The following SPOCK3 variants were observed in gnomAD, a reference collection of about 807,000 sequenced individuals.
SPOCK3 encodes the protein testican-3.
SPOCK3 carries 30 observed loss-of-function variants against 56.6 expected under a neutral mutation model. That is an observed-to-expected ratio of 0.53 (90% CI 0.40 to 0.72). The LOEUF is 0.72. Ranked by LOEUF, SPOCK3 falls within the 30% of genes least tolerant of loss-of-function variation. The pLI is 0.00. For missense variants in SPOCK3, 527 were observed against 530.0 expected (o/e 0.99, Z 0.06); for synonymous variants, 196 against 183.3 (o/e 1.07, Z -0.56).
chr4:166,860,049 C>T (rs1257706710), intron 6 of SPOCK3, among the ~76,000 whole-genome samples: 1 of 152,064 alleles, frequency 6.6e-6, no homozygotes, highest in Non-Finnish European at 1.5e-5. Context: ...TAATCTAATA[C>T]AACTGCAAGT....
At chr4:167,148,716 AAT>A (rs1227096399) in intron 2 of SPOCK3, among the ~76,000 whole-genome samples, 1 of 152,170 alleles carries the variant, frequency 6.6e-6, no homozygotes, top group Non-Finnish European at 1.5e-5. Flanking sequence ...TTTTAAATTT[AAT>A]TTCAGATTTT....
chr4:167,183,335 A>G (rs1476833091), intron 2 of SPOCK3, among the ~76,000 whole-genome samples: 1 of 152,184 alleles, frequency 6.6e-6, no homozygotes, highest in Non-Finnish European at 1.5e-5. Flanking sequence ...TCTTTCCAAA[A>G]TATCTTTTAC....
intron 2 of SPOCK3, among the ~76,000 whole-genome samples, chr4:167,140,952 C>G (rs760264771): frequency 1.1e-4 from 16 of 151,822 alleles, no homozygotes; most frequent in Non-Finnish European, 2.1e-4. Flanking sequence ...ACATATATAC[C>G]TTTTTTCTTG....
intron 2 of SPOCK3, among the ~76,000 whole-genome samples, chr4:167,205,643 C>CTTAATT (rs1734250041): frequency 8.2e-6 from 1 of 122,108 alleles, no homozygotes; most frequent in Non-Finnish European, 1.7e-5. Context: ...GAGACGGAGT[C>CTTAATT]ACTCTGTCAC....
At chr4:166,891,329 T>A (rs754141276) in intron 5 of SPOCK3, among the ~76,000 whole-genome samples, 3 of 152,028 alleles carry the variant, frequency 2.0e-5, no homozygotes, top group Non-Finnish European at 4.4e-5. Context: ...ACTAATTTAA[T>A]TCAGCTTTAG....
chr4:166,785,291 AT>A (rs1740611830), intron 7 of SPOCK3, among the ~76,000 whole-genome samples: 1 of 152,086 alleles, frequency 6.6e-6, no homozygotes, highest in African/African-American at 2.4e-5. Context: ...TAAAATAAAA[AT>A]TAGGTGTCGA....
chr4:166,950,671 C>A (rs1226341647), intron 4 of SPOCK3, among the ~76,000 whole-genome samples: 1 of 149,290 alleles, frequency 6.7e-6, no homozygotes, highest in East Asian at 2.0e-4. Flanking sequence ...CCAAAATTGA[C>A]CACATACTTG....
At chr4:167,059,541 T>C (rs1312816888) in intron 3 of SPOCK3, among the ~76,000 whole-genome samples, 1 of 152,066 alleles carries the variant, frequency 6.6e-6, no homozygotes, top group Non-Finnish European at 1.5e-5. Context: ...GGAACACTTT[T>C]ACACTGTTGT....
At chr4:166,964,702 C>T (rs1002145332) in intron 4 of SPOCK3, among the ~76,000 whole-genome samples, 1 of 151,604 alleles carries the variant, frequency 6.6e-6, no homozygotes, top group African/African-American at 2.4e-5. Flanking sequence ...CAAAATATTC[C>T]AGTTCTAAAA....
intron 2 of SPOCK3, among the ~76,000 whole-genome samples, chr4:167,232,071 A>C (rs1357581357): frequency 6.6e-6 from 1 of 152,114 alleles, no homozygotes; most frequent in Non-Finnish European, 1.5e-5. Context: ...ATAGCAATAA[A>C]ATCTCCATCT....
At chr4:166,812,195 C>A (rs1050785921) in intron 6 of SPOCK3, among the ~76,000 whole-genome samples, 1 of 151,668 alleles carries the variant, frequency 6.6e-6, no homozygotes, top group Non-Finnish European at 1.5e-5. Context: ...AGGACCTCAC[C>A]CAAATCATAG....
At position 167,096,176 on chromosome 4, in the gene SPOCK3, T is replaced by G. The variant is rs930408177; in HGVS notation, c.190-33639A>C. 7.9e-5 allele frequency among the ~76,000 whole-genome samples: 12 copies of G among 152,056 alleles called. No individual in the cohort carries two copies. In the East Asian group the frequency reaches 2.3e-3, roughly 29 times the overall value. Reference sequence around the variant, plus strand: ...AGCTTCAATATCATTCAGATGCCAATTATTGTCATTTTTGTCTGCAGGTTC... The same window carrying G: ...AGCTTCAATATCATTCAGATGCCAAGTATTGTCATTTTTGTCTGCAGGTTC... On this transcript the variant is annotated intron_variant, in intron 2 of 10. Coordinates refer to ENST00000357545, the MANE Select transcript of SPOCK3 (RefSeq NM_001040159.2).
intron 2 of SPOCK3, among the ~76,000 whole-genome samples, chr4:167,181,471 C>A (rs189715264): frequency 4.6e-4 from 70 of 152,322 alleles, no homozygotes; most frequent in African/African-American, 1.5e-3. Flanking sequence ...CAAGTTATTG[C>A]TTGTTTAAAA....
Position 166,762,201 on chromosome 4 carries a change from A to C in SPOCK3, c.710-7472T>G, listed in dbSNP as rs577619381. Among the ~76,000 whole-genome samples the C allele has an allele frequency of 6.9e-4, 105 of 152,226 alleles. 1 individual carries two copies. Among genetic ancestry groups the C allele is most frequent in the African/African-American group, 2.5e-3 (103 of 41,562 alleles). On this transcript the variant is annotated intron_variant, in intron 7 of 10. Coordinates refer to ENST00000357545, the MANE Select transcript of SPOCK3 (RefSeq NM_001040159.2). ...ATTCCTTATTTCCTATTTTCTGTGC[A>C]AGTGCTCACCTTGGTTCTGGAAATG...
intron 5 of SPOCK3, among the ~76,000 whole-genome samples, chr4:166,899,296 A>G (rs1183206642): frequency 2.0e-5 from 3 of 150,510 alleles, no homozygotes; most frequent in African/African-American, 7.4e-5. Flanking sequence ...CTATCTATCT[A>G]TCTATGTACC....
intron 4 of SPOCK3, among the ~76,000 whole-genome samples, chr4:166,956,394 T>G (rs546523341): frequency 7.6e-4 from 115 of 152,100 alleles, no homozygotes; most frequent in African/African-American, 2.6e-3. Context: ...AAAATAAGGG[T>G]TACTTGAACA....
Position 166,956,675 on chromosome 4 carries a change from G to A in SPOCK3, c.350+43674C>T, listed in dbSNP as rs181666070. 2.6e-4 allele frequency among the ~76,000 whole-genome samples: 39 copies of A among 152,180 alleles called. 1 individual carries two copies. In the East Asian group the frequency reaches 7.0e-3, roughly 27 times the overall value. On this transcript the variant is annotated intron_variant, in intron 4 of 10. Coordinates refer to ENST00000357545, the MANE Select transcript of SPOCK3 (RefSeq NM_001040159.2). Reference sequence around the variant, plus strand: ...AAGCAGAACCATAGGTAAGGGGAGAGTACCGTATTACCAAAAACTGTAGAA... The same window carrying A: ...AAGCAGAACCATAGGTAAGGGGAGAATACCGTATTACCAAAAACTGTAGAA...
chr4:166,847,245 G>C (rs762227213), intron 6 of SPOCK3, among the ~76,000 whole-genome samples: 7 of 152,054 alleles, frequency 4.6e-5, no homozygotes, highest in Non-Finnish European at 7.4e-5. Flanking sequence ...CAGGCCATTT[G>C]GGAGGAGCTA....
chr4:166,964,803 T>G (rs1429150303), intron 4 of SPOCK3, among the ~76,000 whole-genome samples: 2 of 151,740 alleles, frequency 1.3e-5, no homozygotes, highest in Non-Finnish European at 3.0e-5. Context: ...GACCTCTCTT[T>G]CATAAGGAAA....
Sources: allele counts gnomAD v4.1 joint callset (sites outside exome capture counted in the v4.1 genomes callset), GRCh38; gene constraint gnomAD v4.1.1; transcripts MANE v1.5; gene names NCBI Gene and HGNC (gene_info 2026-07-23, HGNC 2026-07-21).